Variants in CNTNAP2 observed in about 807,000 individuals in gnomAD.
The protein encoded by CNTNAP2 is contactin associated protein 2.
CNTNAP2 carries 98 observed loss-of-function variants against 155.2 expected under a neutral mutation model. That is an observed-to-expected ratio of 0.63 (90% CI 0.54 to 0.75). CNTNAP2 has a LOEUF of 0.75. CNTNAP2 is among the 30% of genes least tolerant of loss of function. The pLI is 0.00. For synonymous variants in CNTNAP2, 651 were observed against 631.2 expected (o/e 1.03, Z -0.47); for missense variants, 1,727 against 1,688.1 (o/e 1.02, Z -0.40).
At chr7:146,352,750 G>GTTTGTTTTTTTTTTTTTTT in intron 1 of CNTNAP2, among the ~76,000 whole-genome samples, 1 of 64,338 alleles carries the variant, frequency 1.6e-5, no homozygotes, top group Non-Finnish European at 2.9e-5. Context: ...GCATAATTCT[G>GTTTGTTTTTTTTTTTTTTT]TTTTTTTTTT....
intron 15 of CNTNAP2, among the ~76,000 whole-genome samples, chr7:148,025,257 T>C (rs1265219463): frequency 1.3e-5 from 2 of 152,212 alleles, no homozygotes; most frequent in African/African-American, 4.8e-5. Flanking sequence ...TCCAGACTTT[T>C]GCATTTGGTT....
intron 9 of CNTNAP2, among the ~76,000 whole-genome samples, chr7:147,346,128 A>ATTTTT (rs1220532680): frequency 1.8e-5 from 1 of 56,330 alleles, no homozygotes; most frequent in African/African-American, 1.5e-4. Flanking sequence ...ATAATCGAAG[A>ATTTTT]TTTTATTTTA....
chr7:147,267,886 A>C (rs1258150588), intron 8 of CNTNAP2, among the ~76,000 whole-genome samples: 1 of 152,130 alleles, frequency 6.6e-6, no homozygotes, highest in African/African-American at 2.4e-5. Context: ...TAACCTCATG[A>C]AGTAGAGTAC....
At chr7:146,580,787 T>C (rs1798600021) in intron 1 of CNTNAP2, among the ~76,000 whole-genome samples, 1 of 152,142 alleles carries the variant, frequency 6.6e-6, no homozygotes. Context: ...CTGGATATTT[T>C]GTACGTTTTC....
At chr7:147,769,120 TGTG>T (rs1175908032) in intron 13 of CNTNAP2, among the ~76,000 whole-genome samples, 7 of 152,138 alleles carry the variant, frequency 4.6e-5, no homozygotes, top group African/African-American at 1.4e-4. Flanking sequence ...AATTAGCACA[TGTG>T]GTGAAAGATT....
intron 1 of CNTNAP2, among the ~76,000 whole-genome samples, chr7:146,543,086 C>A (rs978055010): frequency 6.6e-6 from 1 of 151,844 alleles, no homozygotes; most frequent in Non-Finnish European, 1.5e-5. Flanking sequence ...AATGATAAAA[C>A]TATGTCAGAT....
chr7:147,129,977 G>A (rs1406325729), intron 7 of CNTNAP2, among the ~76,000 whole-genome samples: 3 of 152,062 alleles, frequency 2.0e-5, no homozygotes, highest in Non-Finnish European at 2.9e-5. Flanking sequence ...TAGGCAAGTC[G>A]TATTTTATAT....
At chr7:147,110,843 C>T (rs1174913263) in intron 5 of CNTNAP2, among the ~76,000 whole-genome samples, 1 of 152,080 alleles carries the variant, frequency 6.6e-6, no homozygotes, top group East Asian at 1.9e-4. Flanking sequence ...CATATGTATG[C>T]ATGTATCTTT....
intron 8 of CNTNAP2, among the ~76,000 whole-genome samples, chr7:147,134,360 C>A (rs1263248262): frequency 6.6e-6 from 1 of 151,674 alleles, no homozygotes; most frequent in South Asian, 2.1e-4. Context: ...TTGCTTAAAC[C>A]TAATAAAAAT....
intron 8 of CNTNAP2, among the ~76,000 whole-genome samples, chr7:147,197,979 G>A (rs1802840261): frequency 6.6e-6 from 1 of 151,948 alleles, no homozygotes; most frequent in African/African-American, 2.4e-5. Context: ...TTGGTAATAT[G>A]GTATTGCATG....
intron 1 of CNTNAP2, among the ~76,000 whole-genome samples, chr7:146,147,696 A>G (rs1204305530): frequency 6.6e-6 from 1 of 152,136 alleles, no homozygotes; most frequent in Non-Finnish European, 1.5e-5. Context: ...TTTAGAATAG[A>G]CATCTGCTCT....
At chr7:147,649,310 G>C (rs528971122) in intron 13 of CNTNAP2, among the ~76,000 whole-genome samples, 88 of 152,220 alleles carry the variant, frequency 5.8e-4, no homozygotes, top group African/African-American at 2.1e-3. Context: ...TTCTGTTTAA[G>C]GTAGACTCTA....
At chr7:146,731,028 G>C (rs2129179394) in intron 1 of CNTNAP2, among the ~76,000 whole-genome samples, 1 of 152,260 alleles carries the variant, frequency 6.6e-6, no homozygotes, top group Admixed American at 6.5e-5. Context: ...TTTCCAGCTT[G>C]AGGTGATTTA....
At chr7:148,306,704 A>G (rs570096561) in intron 21 of CNTNAP2, among the ~76,000 whole-genome samples, 1 of 152,042 alleles carries the variant, frequency 6.6e-6, no homozygotes, top group East Asian at 1.9e-4. Context: ...GTTTTCTCCC[A>G]AGTGTTTCTT....
At chr7:147,930,108 A>G (rs1800471732) in intron 14 of CNTNAP2, among the ~76,000 whole-genome samples, 1 of 152,262 alleles carries the variant, frequency 6.6e-6, no homozygotes, top group East Asian at 1.9e-4. Flanking sequence ...ACCCCTGTAT[A>G]GAGCACATAC....
At chr7:146,469,833 A>G (rs1039392618) in intron 1 of CNTNAP2, among the ~76,000 whole-genome samples, 3 of 144,892 alleles carry the variant, frequency 2.1e-5, no homozygotes, top group South Asian at 2.2e-4. Flanking sequence ...CCCAGCCTTA[A>G]TTGACATTTT....
At chr7:147,074,811 C>T (rs1202897341) in intron 4 of CNTNAP2, among the ~76,000 whole-genome samples, 1 of 151,986 alleles carries the variant, frequency 6.6e-6, no homozygotes, top group Non-Finnish European at 1.5e-5. Flanking sequence ...AGTGAGATTG[C>T]CATCAAGAAT....
Position 147,265,441 on chromosome 7 carries a change from T to C in CNTNAP2, c.1349-34700T>C, listed in dbSNP as rs112916831. ...CAGACTCTGACCCATCCCTCCTCAC[T>C]GAGTGGGCCCTCCCTGCAGGAACTC... is the stretch of plus-strand genomic sequence containing the variant. On this transcript the variant is annotated intron_variant, in intron 8 of 23. Coordinates refer to ENST00000361727, the MANE Select transcript of CNTNAP2 (RefSeq NM_014141.6). Among the ~76,000 whole-genome samples the C allele has an allele frequency of 7.9e-5, 12 of 152,246 alleles. 1 individual carries two copies. Among genetic ancestry groups the C allele is most frequent in the African/African-American group, 2.9e-4 (12 of 41,562 alleles).
intron 3 of CNTNAP2, among the ~76,000 whole-genome samples, chr7:146,946,578 G>A (rs1052611431): frequency 2.6e-5 from 4 of 152,096 alleles, no homozygotes; most frequent in Non-Finnish European, 5.9e-5. Flanking sequence ...AATTGCAATA[G>A]ATAATGAGCT....
Sources: allele counts gnomAD v4.1 joint callset (sites outside exome capture counted in the v4.1 genomes callset), GRCh38; gene constraint gnomAD v4.1.1; transcripts MANE v1.5; gene names NCBI Gene and HGNC (gene_info 2026-07-23, HGNC 2026-07-21).